The following ACTR3C variants were observed in gnomAD, a reference collection of about 807,000 sequenced individuals.
ACTR3C encodes actin-related protein 3C.
Under a neutral mutation model 26.3 loss-of-function variants are expected in ACTR3C, and 18 were observed. The ratio of observed to expected loss-of-function variants is 0.68; its 90% CI spans 0.47 to 1.01. The LOEUF (loss-of-function observed/expected upper bound fraction) is 1.01, where lower values mean the gene tolerates loss of function less well. ACTR3C is among the 50% of genes least tolerant of loss of function. The probability of loss-of-function intolerance (pLI) is 0.00; values close to 1 mark genes in which losing one functional copy is unlikely to be tolerated. For synonymous variants in ACTR3C, 55 were observed against 94.5 expected (o/e 0.58, Z 2.42); for missense variants, 184 against 250.7 (o/e 0.73, Z 1.80).
the ACTR3C span, among the ~76,000 whole-genome samples, chr7:149,964,368 C>T: frequency 3.9e-5 from 6 of 152,128 alleles, no homozygotes; most frequent in African/African-American, 7.2e-5. Flanking sequence ...AGAGATCTTT[C>T]GAGACTACTG....
the ACTR3C span, among the ~76,000 whole-genome samples, chr7:150,206,184 T>C: frequency 6.6e-6 from 1 of 152,226 alleles, no homozygotes. Flanking sequence ...GGGCTGCTCA[T>C]GACCATGCAC....
chr7:150,221,336 T>G, the ACTR3C span, among the ~76,000 whole-genome samples: 26 of 152,200 alleles, frequency 1.7e-4, no homozygotes, highest in Admixed American at 1.0e-3. Context: ...AGTCATGATC[T>G]AATTAGTCAA....
the ACTR3C span, among the ~76,000 whole-genome samples, chr7:150,006,948 G>A: frequency 3.9e-5 from 6 of 152,040 alleles, no homozygotes; most frequent in East Asian, 5.8e-4. Flanking sequence ...ATTAGCAACC[G>A]GATCCTAAGC....
chr7:150,164,988 T>C, the ACTR3C span, among the ~76,000 whole-genome samples: 1 of 152,338 alleles, frequency 6.6e-6, no homozygotes, highest in South Asian at 2.1e-4. Context: ...TGGCGGATTG[T>C]TATTCCCTTG....
intron 2 of ACTR3C, among the ~76,000 whole-genome samples, chr7:150,293,734 G>A (rs1279739806): frequency 5.9e-5 from 9 of 152,192 alleles, no homozygotes; most frequent in Middle Eastern, 3.2e-3. Flanking sequence ...CCAAGAGTTC[G>A]AGACCAGCCT....
the ACTR3C span, among the ~76,000 whole-genome samples, chr7:149,926,424 A>G: frequency 1.3e-5 from 2 of 152,198 alleles, no homozygotes; most frequent in African/African-American, 4.8e-5. Flanking sequence ...TAGAGTGGCA[A>G]ACAACGTGGT....
intron 1 of ACTR3C, among the ~76,000 whole-genome samples, chr7:150,308,260 C>G (rs1795972058): frequency 6.6e-6 from 1 of 152,090 alleles, no homozygotes; most frequent in African/African-American, 2.4e-5. Context: ...ACCCTCCATT[C>G]CTCCTTCTTC....
the ACTR3C span, among the ~76,000 whole-genome samples, chr7:149,949,426 G>A: frequency 1.6e-5 from 2 of 127,698 alleles, no homozygotes; most frequent in Non-Finnish European, 1.6e-5. Flanking sequence ...AAGGAAGGAA[G>A]GAAATGAATA....
chr7:150,079,395 C>T, the ACTR3C span, among the ~76,000 whole-genome samples: 1 of 152,168 alleles, frequency 6.6e-6, no homozygotes. Context: ...GTCAGTCTCG[C>T]ACGGCTGTTG....
At chr7:149,888,883 C>T in the ACTR3C span, among the ~76,000 whole-genome samples, 1 of 152,106 alleles carries the variant, frequency 6.6e-6, no homozygotes, top group Non-Finnish European at 1.5e-5. Context: ...TGGTGAGCGC[C>T]TGTAATCCCA....
the ACTR3C span, among the ~76,000 whole-genome samples, chr7:150,035,010 C>A: frequency 5.7e-3 from 630 of 109,782 alleles, 15 homozygotes; most frequent in African/African-American, 5.3e-3. Context: ...TGGGGGTCCT[C>A]AGAGCCAGGG....
chr7:149,997,903 T>G, the ACTR3C span, among the ~76,000 whole-genome samples: 1 of 149,716 alleles, frequency 6.7e-6, no homozygotes, highest in African/African-American at 2.5e-5. Flanking sequence ...AGAATGAGTT[T>G]AGATATTTGT....
chr7:150,088,916 G>T, the ACTR3C span, among the ~76,000 whole-genome samples: 1 of 152,148 alleles, frequency 6.6e-6, no homozygotes, highest in South Asian at 2.1e-4. Flanking sequence ...AATTTTTTAA[G>T]ATTCACCCTT....
intron 1 of ACTR3C, among the ~76,000 whole-genome samples, chr7:150,307,914 A>G (rs556394727): frequency 6.6e-6 from 1 of 152,042 alleles, no homozygotes; most frequent in East Asian, 1.9e-4. Context: ...TCTCCTTTCA[A>G]TTTCCACGTC....
At chr7:149,900,531 G>T in the ACTR3C span, among the ~76,000 whole-genome samples, 35,581 of 151,754 alleles carry the variant, frequency 0.23, 4,401 homozygotes, top group African/African-American at 0.31. Flanking sequence ...GCTAAAGGAA[G>T]TTCTCTAAAG....
chr7:149,918,172 T>A, the ACTR3C span, among the ~76,000 whole-genome samples: 1 of 152,116 alleles, frequency 6.6e-6, no homozygotes, highest in Non-Finnish European at 1.5e-5. Context: ...TGAGTACTTT[T>A]TTTTTCTCTA....
At chr7:149,929,624 C>T in the ACTR3C span, among the ~76,000 whole-genome samples, 4 of 148,636 alleles carry the variant, frequency 2.7e-5, no homozygotes, top group South Asian at 2.1e-4. Flanking sequence ...CTCCGCCTCT[C>T]GGGTTCAAGC....
At chr7:150,168,718 C>T in the ACTR3C span, among the ~76,000 whole-genome samples, 32 of 150,792 alleles carry the variant, frequency 2.1e-4, no homozygotes, top group Admixed American at 2.0e-3. Flanking sequence ...CACATCCCCT[C>T]GTAGCCAAGG....
chr7:149,919,886 T>C, the ACTR3C span, among the ~76,000 whole-genome samples: 11 of 140,292 alleles, frequency 7.8e-5, no homozygotes, highest in East Asian at 4.2e-4. Context: ...TAACCACATA[T>C]TCTGAAAGAT....
Sources: allele counts gnomAD v4.1 joint callset (sites outside exome capture counted in the v4.1 genomes callset), GRCh38; gene constraint gnomAD v4.1.1; transcripts MANE v1.5; gene names NCBI Gene and HGNC (gene_info 2026-07-23, HGNC 2026-07-21).